The following BRF1 variants were observed in gnomAD, a reference collection of about 807,000 sequenced individuals.
The protein encoded by BRF1 is transcription factor IIIB 90 kDa subunit.
In BRF1, 59 loss-of-function variants were observed where a neutral mutation model predicts 81.7. That is an observed-to-expected ratio of 0.72 (90% CI 0.59 to 0.90). The LOEUF is 0.90. Among genes scored for constraint, BRF1 ranks in the 40% least tolerant of loss-of-function variants. The pLI is 0.00. For synonymous variants in BRF1, 491 were observed against 395.6 expected, an observed-to-expected ratio of 1.24 and a Z score of -2.86; for missense variants, 1,050 against 936.3, an observed-to-expected ratio of 1.12 and a Z score of -1.58.
chr14:105,250,531 C>T (rs1327047864), intron 5 of BRF1: 7 of 1,613,906 alleles, frequency 4.3e-6, no homozygotes, highest in East Asian at 2.2e-5. Context: ...TGGACGGCAG[C>T]GAACTCAGCT....
chr14:105,254,667 T>G (rs1178348694), intron 4 of BRF1, among the ~76,000 whole-genome samples: 1 of 152,192 alleles, frequency 6.6e-6, no homozygotes, highest in African/African-American at 2.4e-5. Context: ...GTTCAAGCGA[T>G]TCTCCTGTCT....
intron 2 of BRF1, among the ~76,000 whole-genome samples, chr14:105,283,501 G>C (rs1196284281): frequency 1.3e-5 from 2 of 152,166 alleles, no homozygotes; most frequent in Non-Finnish European, 2.9e-5. Context: ...TGGGGTCCAC[G>C]GGGCCTCCTG....
At position 105,272,790 on chromosome 14, in the gene BRF1, G is replaced by A. The variant is rs199564741; in HGVS notation, c.370C>T (p.Arg124Cys). ...ATCACGTGGGCCATCTTCCGGCCGCGGGTCAGGTGCCTGCTCACGGCCATC... is the reference window on the plus strand; with the variant it reads ...ATCACGTGGGCCATCTTCCGGCCGCAGGTCAGGTGCCTGCTCACGGCCATC... Reference protein sequence around the residue: ...FKMAVSRHLTRGRKMAHVIAA... With the variant: ...FKMAVSRHLTCGRKMAHVIAA... Residue 124 changes from arginine (R) to cysteine (C), a missense_variant, in exon 3 of 18, where the codon CGC becomes TGC. Physicochemically the swap from Arg to Cys is radical, Grantham distance 180. Coordinates refer to ENST00000547530, the MANE Select transcript of BRF1 (RefSeq NM_001519.4). The A allele has an allele frequency of 4.3e-6, 7 of 1,613,982 alleles. No homozygotes were observed. The highest frequency in any genetic ancestry group is 2.2e-5 in the East Asian group (1 of 44,878).
rs144442700 is a variant in BRF1, at chr14:105,250,420, G to C, written c.544+2087C>G. 1.2e-4 allele frequency: 188 copies of C among 1,613,932 alleles called. No individual in the cohort carries two copies. In the African/African-American group the frequency reaches 2.3e-3, roughly 20 times the overall value. ...TCGGGGTGGTTCTGGCTCAGAACTT[G>C]ACCAAGTTCATGTCAGACGGATCCA... On this transcript the variant is annotated intron_variant, in intron 5 of 17. Transcript: ENST00000547530.
In BRF1 at chr14:105,228,803, G is replaced by A; in HGVS notation, c.788+17C>T. On this transcript the variant is annotated intron_variant, in intron 7 of 17. Coordinates refer to ENST00000547530, the MANE Select transcript of BRF1 (RefSeq NM_001519.4). ...AGCCTCTGTGTGGTCCCCATGCCATGAATGAGAGCCCCTCACCTCTTCCGC... is the reference window on the plus strand; with the variant it reads ...AGCCTCTGTGTGGTCCCCATGCCATAAATGAGAGCCCCTCACCTCTTCCGC... The A allele has an allele frequency of 6.2e-7, 1 of 1,613,454 alleles. No homozygotes were observed. Among genetic ancestry groups the A allele is most frequent in the Non-Finnish European group, 8.5e-7 (1 of 1,179,766 alleles).
chr14:105,218,401 C>G (rs1891681313), intron 14 of BRF1, among the ~76,000 whole-genome samples: 1 of 152,180 alleles, frequency 6.6e-6, no homozygotes, highest in Non-Finnish European at 1.5e-5. Context: ...GCTCCTAACT[C>G]TCTGACCACA....
chr14:105,310,302 G>A lies in BRF1; in HGVS notation c.-162+5020C>T, dbSNP rs587680437. Among the ~76,000 whole-genome samples, 347 of 151,120 alleles carry A rather than the reference G, an allele frequency of 2.3e-3. 1 individual carries two copies. The highest frequency in any genetic ancestry group is 7.8e-3 in the African/African-American group (323 of 41,314). ...TCCCAGCACTTTGGGAGGTCGAGGC[G>A]GGCGGATCATGAGGTCAGGAGATCA... is the stretch of plus-strand genomic sequence containing the variant. On this transcript the variant is annotated intron_variant, in intron 1 of 17. Coordinates refer to the BRF1 transcript ENST00000327359.
intron 5 of BRF1, chr14:105,248,142 G>C (rs587695913): frequency 1.0e-6 from 1 of 985,498 alleles, no homozygotes; most frequent in East Asian, 1.1e-4. Flanking sequence ...AAAGCCCTCA[G>C]AGCAGAGTGG....
chr14:105,246,961 C>G (rs745947815), intron 5 of BRF1: 14 of 985,256 alleles, frequency 1.4e-5, no homozygotes, highest in Admixed American at 1.2e-4. Context: ...CACTGCATTC[C>G]CCAAATGGAC....
At chr14:105,250,526 G>T (rs747308975) in intron 5 of BRF1, 2 of 1,614,072 alleles carry the variant, frequency 1.2e-6, no homozygotes, top group Non-Finnish European at 1.7e-6. Flanking sequence ...CGTCCTGGAC[G>T]GCAGCGAACT....
At chr14:105,291,913 G>T (rs189389171) in intron 1 of BRF1, among the ~76,000 whole-genome samples, 23 of 152,192 alleles carry the variant, frequency 1.5e-4, no homozygotes, top group African/African-American at 4.8e-4. Context: ...CAGGAAAATC[G>T]CTTGAACCCG....
chr14:105,260,340 C>T (rs1053616399), intron 3 of BRF1, among the ~76,000 whole-genome samples: 3 of 151,962 alleles, frequency 2.0e-5, no homozygotes, highest in African/African-American at 7.3e-5. Flanking sequence ...AGCGAGGGGA[C>T]TCCACAATTC....
chr14:105,291,719 C>T (rs1484345101), intron 1 of BRF1, among the ~76,000 whole-genome samples: 1 of 151,924 alleles, frequency 6.6e-6, no homozygotes, highest in Non-Finnish European at 1.5e-5. Flanking sequence ...AGGGTCTGGC[C>T]GGGCGTGGTG....
chr14:105,226,823 A>G (rs1454758364), intron 7 of BRF1, 63 bp from the exon 8 acceptor site: 1 of 1,607,742 alleles, frequency 6.2e-7, no homozygotes, highest in African/African-American at 1.3e-5. Context: ...TTTAAAACTG[A>G]GCTTTCGCCT....
intron 1 of BRF1, among the ~76,000 whole-genome samples, chr14:105,313,271 C>G (rs2140720919): frequency 6.6e-6 from 1 of 152,340 alleles, no homozygotes; most frequent in East Asian, 1.9e-4. Context: ...GTGCCTGTCT[C>G]CTGCCCTCCC....
At chr14:105,226,947 C>CAAAAAA in intron 7 of BRF1, 187 bp from the exon 8 acceptor site, 1 of 465,764 alleles carries the variant, frequency 2.1e-6, no homozygotes, top group Non-Finnish European at 3.6e-6. Context: ...TGTCTCTACC[C>CAAAAAA]AAAAAAAAAA....
chr14:105,283,197 G>T (rs2057180554), intron 2 of BRF1, among the ~76,000 whole-genome samples: 1 of 152,176 alleles, frequency 6.6e-6, no homozygotes, highest in African/African-American at 2.4e-5. Context: ...GCAGCAAAAG[G>T]GACGACTCCG....
intron 5 of BRF1, among the ~76,000 whole-genome samples, chr14:105,251,369 G>C (rs1393617419): frequency 1.3e-5 from 2 of 152,194 alleles, no homozygotes; most frequent in Non-Finnish European, 2.9e-5. Flanking sequence ...TGTCGGGGGA[G>C]CATTCTGCTG....
chr14:105,213,952 G>A (rs113357783), intron 15 of BRF1, among the ~76,000 whole-genome samples: 9 of 152,242 alleles, frequency 5.9e-5, no homozygotes, highest in East Asian at 3.8e-4. Flanking sequence ...GCCTGAGAGC[G>A]CCTGGAGAAC....
Sources: allele counts gnomAD v4.1 joint callset (sites outside exome capture counted in the v4.1 genomes callset), GRCh38; gene constraint gnomAD v4.1.1; transcripts MANE v1.5; gene names NCBI Gene and HGNC (gene_info 2026-07-23, HGNC 2026-07-21).